Variants in COL19A1 observed in about 807,000 individuals in gnomAD.
COL19A1 encodes the protein collagen alpha-1(XIX) chain.
In COL19A1, 159 loss-of-function variants were observed where a neutral mutation model predicts 190.2. That is an observed-to-expected ratio of 0.84 (90% confidence interval 0.73 to 0.95). COL19A1 has a LOEUF of 0.95. Ranked by LOEUF, COL19A1 falls within the 40% of genes least tolerant of loss-of-function variation. The probability of loss-of-function intolerance (pLI) is 0.00; values close to 1 mark genes in which losing one functional copy is unlikely to be tolerated. For synonymous variants in COL19A1, 509 were observed against 458.9 expected (o/e 1.11, Z -1.39); for missense variants, 1,418 against 1,431.9 (o/e 0.99, Z 0.16).
At chr6:69,935,919 G>T (rs931195780) in intron 7 of COL19A1, among the ~76,000 whole-genome samples, 3 of 151,964 alleles carry the variant, frequency 2.0e-5, no homozygotes, top group African/African-American at 7.2e-5. Flanking sequence ...TTCAACCACA[G>T]TAGAAAACCA....
chr6:69,953,996 T>C (rs1774270481), intron 9 of COL19A1, among the ~76,000 whole-genome samples: 1 of 151,974 alleles, frequency 6.6e-6, no homozygotes, highest in African/African-American at 2.4e-5. Flanking sequence ...TGGCTCTATC[T>C]AAAGGAGCTT....
intron 15 of COL19A1, among the ~76,000 whole-genome samples, chr6:70,072,786 C>T (rs1212874856): frequency 6.6e-6 from 1 of 151,972 alleles, no homozygotes; most frequent in Admixed American, 6.6e-5. Context: ...TTTCTTTGCA[C>T]CAGCCCACAC....
chr6:69,921,336 C>A (rs1359264296), intron 4 of COL19A1, among the ~76,000 whole-genome samples: 27 of 103,680 alleles, frequency 2.6e-4, no homozygotes, highest in African/African-American at 9.6e-4. Flanking sequence ...TATCATATAT[C>A]TATATATATC....
rs919686116 is a variant in COL19A1, at chr6:70,121,810, A to G, written c.1279-70A>G. On this transcript the variant is annotated intron_variant, in intron 16 of 50. Coordinates refer to ENST00000620364, the MANE Select transcript of COL19A1 (RefSeq NM_001858.6). The stretch of plus-strand genomic sequence containing the variant: ...ACTATATGATTTCAAGAGTTCTTAG[A>G]TATGTTATTTAAATATTCATTGTTT... 3 of 965,296 alleles carry G rather than the reference A, an allele frequency of 3.1e-6. No homozygotes were observed. In the African/African-American group the frequency reaches 5.1e-5, roughly 16 times the overall value. 59.8% of individuals were successfully genotyped at this position (965,296 alleles called of 1,614,324 possible). A position where few individuals can be genotyped will look rare whatever the true frequency, so the allele number is the denominator to read the frequency against.
intron 16 of COL19A1, among the ~76,000 whole-genome samples, chr6:70,118,977 C>T (rs1445424428): frequency 2.0e-5 from 3 of 152,196 alleles, no homozygotes; most frequent in African/African-American, 7.2e-5. Context: ...TGCATATGAC[C>T]AGTCTGTAAA....
chr6:70,174,813 C>T (rs1025471023), intron 41 of COL19A1, among the ~76,000 whole-genome samples: 2 of 152,118 alleles, frequency 1.3e-5, no homozygotes, highest in African/African-American at 4.8e-5. Context: ...TGAAAGATAA[C>T]AAATTTGTAC....
chr6:69,938,168 A>G (rs1470752862), intron 9 of COL19A1, 68 bp downstream of exon 9: 6 of 1,439,800 alleles, frequency 4.2e-6, no homozygotes, highest in African/African-American at 1.4e-5. Context: ...AAATGTGTTC[A>G]TCTCATTTTT....
At position 70,062,224 on chromosome 6, in the gene COL19A1, G is replaced by T. The variant is rs1582812825; in HGVS notation, c.1171-6199G>T. On this transcript the variant is annotated intron_variant, in intron 14 of 50. Transcript: ENST00000620364. The stretch of plus-strand genomic sequence containing the variant: ...ACAGTGAGAACTGATGACATATGCA[G>T]AATTTTTTGTACTAACACTTTAAAA... 2.6e-5 allele frequency among the ~76,000 whole-genome samples: 4 copies of T among 151,940 alleles called. No individual in the cohort carries two copies. In the South Asian group the frequency reaches 6.2e-4, roughly 24 times the overall value.
At position 70,149,687 on chromosome 6, in the gene COL19A1, A is replaced by C. The variant is rs762016416; in HGVS notation, c.1894-17A>C. The C allele has an allele frequency of 6.2e-7, 1 of 1,611,734 alleles. No individual in the cohort carries two copies. The highest frequency in any genetic ancestry group is 8.5e-7 in the Non-Finnish European group (1 of 1,179,166). ...TTCTTGGTGGAATTTTAATAATAAA[A>C]TCTCATTTGTACTCAGGGCGCCCAA... On this transcript the variant is annotated splice_polypyrimidine_tract_variant and intron_variant, in intron 27 of 50. Transcript: ENST00000620364.
intron 49 of COL19A1, among the ~76,000 whole-genome samples, chr6:70,205,443 G>A (rs1253727168): frequency 1.3e-5 from 2 of 152,190 alleles, no homozygotes; most frequent in African/African-American, 4.8e-5. Flanking sequence ...TACTGTAACA[G>A]CACACCTTTA....
At chr6:69,962,761 G>A (rs946283029) in intron 10 of COL19A1, 65 bp from the exon 11 acceptor site, 4 of 1,110,010 alleles carry the variant, frequency 3.6e-6, no homozygotes, top group Non-Finnish European at 5.1e-6. Flanking sequence ...AATTTTTATT[G>A]TAAAAATTGC....
At chr6:69,873,538 A>G (rs1362508157) in intron 1 of COL19A1, among the ~76,000 whole-genome samples, 1 of 152,256 alleles carries the variant, frequency 6.6e-6, no homozygotes, top group Non-Finnish European at 1.5e-5. Flanking sequence ...GCTCTGTTAC[A>G]TTCTAACTTG....
Position 70,188,172 on chromosome 6 carries a change from C to A in COL19A1, c.2954C>A (p.Pro985Gln), listed in dbSNP as rs774589731. ...GGGGCCATCGGTCCTATGGGTCCAC[C>A]AGGAAACAAGGGCTCCATGGGATCC... ...MKGAIGPMGP[P>Q]GNKGSMGSPG... is the part of the protein sequence containing the mutation. The change falls in exon 47 of 51, where the codon CCA (proline) becomes CAA (glutamine). Residue 985 changes from proline (P) to glutamine (Q), a missense_variant. Transcript: ENST00000620364. 7 of 1,613,892 alleles carry A rather than the reference C, an allele frequency of 4.3e-6. No individual in the cohort carries two copies. Among genetic ancestry groups the A allele is most frequent in the Non-Finnish European group, 5.9e-6 (7 of 1,179,888 alleles).
intron 48 of COL19A1, among the ~76,000 whole-genome samples, chr6:70,192,625 G>T (rs1766951961): frequency 6.6e-6 from 1 of 151,990 alleles, no homozygotes; most frequent in South Asian, 2.1e-4. Flanking sequence ...GACATCTCAA[G>T]CTCTTCAGGG....
intron 47 of COL19A1, among the ~76,000 whole-genome samples, chr6:70,189,114 C>T (rs189388420): frequency 6.6e-4 from 101 of 152,280 alleles, no homozygotes; most frequent in African/African-American, 2.3e-3. Flanking sequence ...GGAATCATCA[C>T]TTTATAAGCC....
intron 11 of COL19A1, among the ~76,000 whole-genome samples, chr6:69,995,808 A>T (rs770658634): frequency 2.6e-4 from 40 of 152,166 alleles, no homozygotes; most frequent in Non-Finnish European, 5.0e-4. Context: ...TACTAAAGGG[A>T]ATTGAGATAA....
chr6:69,876,248 G>C (rs1768121159), intron 1 of COL19A1, among the ~76,000 whole-genome samples: 1 of 152,212 alleles, frequency 6.6e-6, no homozygotes, highest in Admixed American at 6.5e-5. Flanking sequence ...GGATAAATGA[G>C]ATAGAAGCTA....
intron 4 of COL19A1, among the ~76,000 whole-genome samples, chr6:69,903,760 C>T (rs1308417330): frequency 1.3e-5 from 2 of 152,202 alleles, no homozygotes; most frequent in African/African-American, 4.8e-5. Context: ...ACATGCACAT[C>T]TAGCTTAAAT....
chr6:69,938,053 C>T lies in COL19A1; in HGVS notation c.889C>T (p.Pro297Ser). The T allele has an allele frequency of 6.2e-7, 1 of 1,612,708 alleles. No individual in the cohort carries two copies. The change falls in exon 9 of 51, where the codon CCA (proline) becomes TCA (serine). Residue 297 changes from proline (P) to serine (S), a missense_variant. Transcript: ENST00000620364. ...TTTTGCTCAGGGAGAAGCAGGATTACCAGGAGCTCCGGGTTCACCTGGGCA... is the reference window on the plus strand; with the variant it reads ...TTTTGCTCAGGGAGAAGCAGGATTATCAGGAGCTCCGGGTTCACCTGGGCA... ...CIPNKGEAGL[P>S]GAPGSPGQKG...
Sources: gnomAD v4.1 joint callset for allele counts (sites outside exome capture counted in the v4.1 genomes callset) on GRCh38, gnomAD v4.1.1 for gene constraint, MANE v1.5 for transcripts, NCBI Gene and HGNC (gene_info 2026-07-23, HGNC 2026-07-21) for gene names.